The following PTGIS variants were observed in gnomAD, a reference collection of about 807,000 sequenced individuals.
PTGIS encodes the protein prostaglandin I2 synthase, also known as prostacyclin synthase.
Under a neutral mutation model 50.3 loss-of-function variants are expected in PTGIS, and 45 were observed. That is an observed-to-expected ratio of 0.90 (90% confidence interval 0.70 to 1.15). PTGIS has a LOEUF of 1.15. Ranked by LOEUF, PTGIS falls within the 50% of genes most tolerant of loss-of-function variation. The pLI is 0.00. For missense variants in PTGIS, 668 were observed against 661.3 expected (o/e 1.01, Z -0.11); for synonymous variants, 260 against 267.7 (o/e 0.97, Z 0.28).
At chr20:49,548,278 C>G (rs115209695) in intron 2 of PTGIS, among the ~76,000 whole-genome samples, 1,596 of 152,276 alleles carry the variant, frequency 0.01, 33 homozygotes, top group African/African-American at 0.036. Context: ...AGGACTAGGA[C>G]TGGAATTTGG....
At position 49,507,551 on chromosome 20, in the gene PTGIS, C is replaced by T. The variant is rs1202790468; in HGVS notation, c.*369G>A. 1.9e-5 allele frequency: 7 copies of T among 369,496 alleles called. No homozygotes were observed. Among genetic ancestry groups the T allele is most frequent in the African/African-American group, 6.3e-5 (3 of 47,576 alleles). 22.9% of individuals were successfully genotyped at this position (369,496 alleles called of 1,614,324 possible). ...GGATAAGGCCCGGGCCATGCTAGCTCATAAGAACTAGGAAGGTGACACCTC... is the reference window on the plus strand; with the variant it reads ...GGATAAGGCCCGGGCCATGCTAGCTTATAAGAACTAGGAAGGTGACACCTC... On this transcript the variant is annotated 3_prime_UTR_variant, in exon 10 of 10. Transcript: ENST00000244043.
At chr20:49,513,034 T>C (rs927665484) in intron 8 of PTGIS, 46 bp downstream of exon 8, 2 of 1,607,884 alleles carry the variant, frequency 1.2e-6, no homozygotes, top group Admixed American at 1.7e-5. Flanking sequence ...AAGTCACTGA[T>C]TGTTCTCCCA....
chr20:49,527,136 A>C (rs995868164), intron 5 of PTGIS, among the ~76,000 whole-genome samples: 2 of 151,906 alleles, frequency 1.3e-5, no homozygotes, highest in African/African-American at 4.8e-5. Context: ...ATTCACTCTT[A>C]AAAAGGAATG....
chr20:49,514,235 G>C lies in PTGIS; in HGVS notation c.1016C>G (p.Pro339Arg). The C allele has an allele frequency of 6.2e-7, 1 of 1,613,838 alleles. No individual in the cohort carries two copies. The highest frequency in any genetic ancestry group is 8.5e-7 in the Non-Finnish European group (1 of 1,180,026). Residue 339 changes from proline to arginine, a missense_variant, in exon 7 of 10, where the codon CCT becomes CGT. Coordinates refer to ENST00000244043, the MANE Select transcript of PTGIS (RefSeq NM_000961.4). Reference protein sequence around the residue: ...TLPQKVLDSTPVLDSVLSESL... With the variant: ...TLPQKVLDSTRVLDSVLSESL... ...GGGTCTGACGATCTCACCAAGCACA[G>C]GTGTGCTGTCTAGAACCTTCTGTGG...
At chr20:49,548,111 C>A (rs1982412815) in intron 2 of PTGIS, 92 bp from the exon 3 acceptor site, 1 of 1,163,204 alleles carries the variant, frequency 8.6e-7, no homozygotes, top group Middle Eastern at 2.7e-4. Flanking sequence ...CCAGGCACTG[C>A]CCCACTGGAC....
At chr20:49,560,621 G>A (rs970336714) in intron 1 of PTGIS, among the ~76,000 whole-genome samples, 5 of 152,252 alleles carry the variant, frequency 3.3e-5, no homozygotes, top group Non-Finnish European at 7.3e-5. Flanking sequence ...GGCCTCCTCA[G>A]GAGATGCCAC....
At chr20:49,523,941 A>G (rs1568672693) in intron 6 of PTGIS, 117 bp downstream of exon 6, 1 of 1,288,628 alleles carries the variant, frequency 7.8e-7, no homozygotes, top group Non-Finnish European at 1.1e-6. Context: ...ACACATGCAC[A>G]CACAGGCATA....
chr20:49,508,062 A>C lies in PTGIS; in HGVS notation c.1361T>G (p.Phe454Cys). Residue 454 changes from phenylalanine to cysteine, a missense_variant and splice_region_variant, in exon 10 of 10, where the codon TTT becomes TGT. Coordinates refer to ENST00000244043, the MANE Select transcript of PTGIS (RefSeq NM_000961.4). ...RSYAVNSIKQ[F>C]VFLVLVHLDL... ...CAAGTGCACCAGCACAAGGAACACA[A>C]ATCTGCAGAGAGATGGCATGGAAGG... The C allele has an allele frequency of 1.9e-6, 3 of 1,613,826 alleles. No homozygotes were observed. The highest frequency in any genetic ancestry group is 2.5e-6 in the Non-Finnish European group (3 of 1,180,036).
chr20:49,507,991 G>T lies in PTGIS; in HGVS notation c.1432C>A (p.Leu478Ile), dbSNP rs761195637. 1 of 1,613,926 alleles carries T rather than the reference G, an allele frequency of 6.2e-7. No individual in the cohort carries two copies. The change falls in exon 10 of 10, where the codon CTC becomes ATC. Residue 478 changes from leucine (L) to isoleucine (I), a missense_variant. Coordinates refer to ENST00000244043, the MANE Select transcript of PTGIS (RefSeq NM_000961.4). ...ATCAGACCGAAGCCGTACCTGCTGA[G>T]GTCAAACTCAGGGATCTCCACATCT... ...NADVEIPEFD[L>I]SRYGFGLMQP...
intron 1 of PTGIS, among the ~76,000 whole-genome samples, chr20:49,563,186 G>A (rs1314155673): frequency 1.3e-5 from 2 of 152,158 alleles, no homozygotes; most frequent in Non-Finnish European, 2.9e-5. Context: ...GGGAACAAAA[G>A]GGGGCTTAGT....
chr20:49,523,935 A>G (rs1249118446), intron 6 of PTGIS, 123 bp downstream of exon 6: 1 of 1,215,678 alleles, frequency 8.2e-7, no homozygotes, highest in Admixed American at 2.0e-5. Context: ...CTACATACAC[A>G]TGCACACACA....
At chr20:49,547,078 A>C (rs895690743) in intron 3 of PTGIS, among the ~76,000 whole-genome samples, 2 of 152,136 alleles carry the variant, frequency 1.3e-5, no homozygotes, top group Admixed American at 1.3e-4. Flanking sequence ...CTAAAAATAC[A>C]AAAATTAGCC....
rs1360658271 is a variant in PTGIS, at chr20:49,568,063, T to TAGC, written c.51_53dup (p.Leu19dup). 5 of 1,478,920 alleles carry TAGC rather than the reference T, an allele frequency of 3.4e-6. No homozygotes were observed. Among genetic ancestry groups the TAGC allele is most frequent in the Admixed American group, 2.3e-5 (1 of 43,862 alleles). 91.6% of individuals were successfully genotyped at this position (1,478,920 alleles called of 1,614,324 possible). On this transcript the variant is annotated inframe_insertion, in exon 1 of 10. Transcript: ENST00000244043. ...CTCACCGCGTGCGGCGGCGGCTCAG[T>TAGC]AGCAGCAGCAGCAACAGTGCGGCCA... is the stretch of plus-strand genomic sequence containing the variant.
intron 5 of PTGIS, among the ~76,000 whole-genome samples, chr20:49,538,893 G>T (rs1006088848): frequency 1.3e-5 from 2 of 151,928 alleles, no homozygotes; most frequent in African/African-American, 4.8e-5. Flanking sequence ...TGTTGACCAG[G>T]CTGATCTCAA....
At chr20:49,521,892 AC>A (rs1447392622) in intron 6 of PTGIS, among the ~76,000 whole-genome samples, 1 of 151,966 alleles carries the variant, frequency 6.6e-6, no homozygotes, top group Non-Finnish European at 1.5e-5. Flanking sequence ...GACCAAGTCC[AC>A]TGACTCTGTC....
At chr20:49,530,631 T>C (rs771025625) in intron 5 of PTGIS, among the ~76,000 whole-genome samples, 1 of 152,164 alleles carries the variant, frequency 6.6e-6, no homozygotes, top group Non-Finnish European at 1.5e-5. Context: ...GATATCTCCT[T>C]GTGATTTTGA....
At chr20:49,548,427 GATGGATGGATGA>G (rs1035313354) in intron 2 of PTGIS, among the ~76,000 whole-genome samples, 8 of 152,184 alleles carry the variant, frequency 5.3e-5, no homozygotes, top group Non-Finnish European at 1.0e-4. Context: ...GCACATCATG[GATGGATGGATGA>G]ATGGATGGAT....
intron 4 of PTGIS, among the ~76,000 whole-genome samples, chr20:49,542,021 C>T (rs1982244433): frequency 2.0e-5 from 3 of 152,134 alleles, no homozygotes; most frequent in South Asian, 4.1e-4. Context: ...AAGGCTTAAA[C>T]GAAGTGGGGT....
chr20:49,513,040 T>C, intron 8 of PTGIS, 40 bp downstream of exon 8: 1 of 1,611,034 alleles, frequency 6.2e-7, no homozygotes, highest in Non-Finnish European at 8.5e-7. Flanking sequence ...CTGATTGTTC[T>C]CCCACAGACC....
Sources: allele counts gnomAD v4.1 joint callset (sites outside exome capture counted in the v4.1 genomes callset), GRCh38; gene constraint gnomAD v4.1.1; transcripts MANE v1.5; gene names NCBI Gene and HGNC (gene_info 2026-07-23, HGNC 2026-07-21).